Variants in DTWD2 observed in about 807,000 individuals in gnomAD.
DTWD2 encodes tRNA-uridine aminocarboxypropyltransferase 2.
In DTWD2, 39 loss-of-function variants were observed where a neutral mutation model predicts 31.8. That is an observed-to-expected ratio of 1.22 (90% confidence interval 0.95 to 1.60). The LOEUF (loss-of-function observed/expected upper bound fraction) is 1.60. Among genes scored for constraint, DTWD2 ranks in the 40% most tolerant of loss-of-function variants. The pLI is 0.00. For synonymous variants in DTWD2, 180 were observed against 142.8 expected, an observed-to-expected ratio of 1.26 and a Z score of -1.86; for missense variants, 515 against 381.5, an observed-to-expected ratio of 1.35 and a Z score of -2.92.
At chr5:118,889,702 T>C (rs1752939049) in intron 4 of DTWD2, among the ~76,000 whole-genome samples, 1 of 152,168 alleles carries the variant, frequency 6.6e-6, no homozygotes, top group African/African-American at 2.4e-5. Flanking sequence ...TGTAAATATA[T>C]TACTTTTACA....
chr5:118,876,386 C>T (rs138079923), intron 4 of DTWD2, among the ~76,000 whole-genome samples: 44 of 151,782 alleles, frequency 2.9e-4, no homozygotes, highest in Admixed American at 1.8e-3. Context: ...CATGAAAAAC[C>T]GTGAATTGAA....
rs1751574194 is a variant in DTWD2 at position 118,836,572 on chromosome 5, C to T, written c.*4345G>A. Reference sequence around the variant, plus strand: ...ATTCTTAAAAATTGAAAAACAATTACTTATTTCTCTAATATGCTTTTTAGT... The same window carrying T: ...ATTCTTAAAAATTGAAAAACAATTATTTATTTCTCTAATATGCTTTTTAGT... On this transcript the variant is annotated 3_prime_UTR_variant, in exon 6 of 6. Transcript: ENST00000510708. Among the ~76,000 whole-genome samples, 1 of 152,152 alleles carries T rather than the reference C, an allele frequency of 6.6e-6. No homozygotes were observed. The highest frequency in any genetic ancestry group is 1.5e-5 in the Non-Finnish European group (1 of 68,020).
At chr5:118,856,120 C>G (rs1434880260) in intron 4 of DTWD2, among the ~76,000 whole-genome samples, 1 of 152,096 alleles carries the variant, frequency 6.6e-6, no homozygotes, top group Non-Finnish European at 1.5e-5. Flanking sequence ...CATAATAAAA[C>G]AGTAAAAGTT....
intron 3 of DTWD2, among the ~76,000 whole-genome samples, chr5:118,934,082 G>T (rs1561461263): frequency 6.7e-6 from 1 of 150,222 alleles, no homozygotes; most frequent in Non-Finnish European, 1.5e-5. Context: ...AAATTCTTAG[G>T]TGTGAATCTA....
intron 4 of DTWD2, among the ~76,000 whole-genome samples, chr5:118,874,914 G>T (rs562418196): frequency 2.0e-5 from 3 of 151,958 alleles, no homozygotes; most frequent in African/African-American, 4.8e-5. Flanking sequence ...ATAATCATCA[G>T]ATCCTCCAAG....
In DTWD2 at chr5:118,841,013, T is replaced by C. The variant is rs756271203; in HGVS notation, c.801A>G (p.Glu267=). 2.6e-5 allele frequency: 42 copies of C among 1,613,796 alleles called. 3 individuals are homozygous for C. In the South Asian group the frequency reaches 4.4e-4, roughly 17 times the overall value. Residue 267 remains glutamate (E), a synonymous_variant, in exon 6 of 6, where the codon GAA becomes GAG. Transcript: ENST00000510708. ...GATATAATCCATTTTTCAGAAGGTG[T>C]TCCTTGCTGAGGCGAATTTGGGCAC... ...QHGAQIRLSK[E]HLLKNGLYPK...
intron 4 of DTWD2, among the ~76,000 whole-genome samples, chr5:118,918,132 T>G (rs1376118158): frequency 6.6e-6 from 1 of 152,144 alleles, no homozygotes; most frequent in Non-Finnish European, 1.5e-5. Context: ...TATCATGGAC[T>G]AATATATTCA....
chr5:118,965,859 G>A (rs1055996443), intron 1 of DTWD2, among the ~76,000 whole-genome samples: 2 of 151,846 alleles, frequency 1.3e-5, no homozygotes, highest in Admixed American at 6.6e-5. Context: ...TTGTTTGTCT[G>A]CTGACCTTCC....
intron 4 of DTWD2, 139 bp from the exon 5 acceptor site, chr5:118,848,357 T>A: frequency 1.4e-6 from 1 of 699,772 alleles, no homozygotes; most frequent in Non-Finnish European, 2.2e-6. Flanking sequence ...CTTTTATGTA[T>A]AACATCCTTT....
At chr5:118,982,269 G>GAA (rs1755318369) in intron 1 of DTWD2, among the ~76,000 whole-genome samples, 1 of 152,156 alleles carries the variant, frequency 6.6e-6, no homozygotes, top group African/African-American at 2.4e-5. Flanking sequence ...AGTCTTTGAA[G>GAA]AAAACTTCTA....
At chr5:118,934,071 G>A (rs1561461257) in intron 3 of DTWD2, among the ~76,000 whole-genome samples, 1 of 150,658 alleles carries the variant, frequency 6.6e-6, no homozygotes, top group African/African-American at 2.4e-5. Flanking sequence ...CTGCAAAAAT[G>A]AAATTCTTAG....
intron 4 of DTWD2, among the ~76,000 whole-genome samples, chr5:118,869,109 C>T (rs558523447): frequency 2.2e-4 from 33 of 151,638 alleles, no homozygotes; most frequent in African/African-American, 6.3e-4. Context: ...AAAAGAGTTG[C>T]GAAAATGGAT....
chr5:118,921,034 T>C (rs1019851917), intron 4 of DTWD2, among the ~76,000 whole-genome samples: 1 of 152,196 alleles, frequency 6.6e-6, no homozygotes, highest in Non-Finnish European at 1.5e-5. Flanking sequence ...AGGAAGATCA[T>C]AGTTCCTATT....
chr5:118,851,023 G>A (rs904275663), intron 4 of DTWD2, among the ~76,000 whole-genome samples: 1 of 152,022 alleles, frequency 6.6e-6, no homozygotes, highest in African/African-American at 2.4e-5. Context: ...GAGGTGGGTG[G>A]ATCACATGAG....
chr5:118,865,258 G>A (rs1364930804), intron 4 of DTWD2, among the ~76,000 whole-genome samples: 1 of 152,116 alleles, frequency 6.6e-6, no homozygotes, highest in Non-Finnish European at 1.5e-5. Context: ...CAAAAGCAAT[G>A]TAAAACATGT....
chr5:118,966,292 T>A (rs575173279), intron 1 of DTWD2, among the ~76,000 whole-genome samples: 1 of 152,246 alleles, frequency 6.6e-6, no homozygotes, highest in African/African-American at 2.4e-5. Context: ...TAAAAAAGCA[T>A]TGAACAGTTA....
intron 4 of DTWD2, among the ~76,000 whole-genome samples, chr5:118,917,314 G>A (rs1753599747): frequency 6.6e-6 from 1 of 152,148 alleles, no homozygotes; most frequent in Non-Finnish European, 1.5e-5. Context: ...GCTCTAACAG[G>A]TGATGAGGGT....
At chr5:118,951,598 A>G (rs1580432657) in intron 1 of DTWD2, among the ~76,000 whole-genome samples, 2 of 152,230 alleles carry the variant, frequency 1.3e-5, no homozygotes, top group African/African-American at 4.8e-5. Flanking sequence ...ATTGGGGTCA[A>G]GCGGTGTTGC....
intron 1 of DTWD2, among the ~76,000 whole-genome samples, chr5:118,969,502 A>G (rs1213974545): frequency 3.9e-5 from 6 of 152,218 alleles, no homozygotes; most frequent in African/African-American, 1.4e-4. Flanking sequence ...GCTGTTTTGC[A>G]GCCTTCACCG....
Sources: gnomAD v4.1 joint callset for allele counts (sites outside exome capture counted in the v4.1 genomes callset) on GRCh38, gnomAD v4.1.1 for gene constraint, MANE v1.5 for transcripts, NCBI Gene and HGNC (gene_info 2026-07-23, HGNC 2026-07-21) for gene names.